Variants in ZNF143 observed in about 807,000 individuals in gnomAD.
ZNF143 encodes SPH-binding factor.
Under a neutral mutation model 74.1 loss-of-function variants are expected in ZNF143, and 49 were observed. The observed-to-expected ratio is 0.66, with a 90% confidence interval of 0.53 to 0.84. The LOEUF is 0.84. ZNF143 is among the 40% of genes least tolerant of loss of function. The pLI is 0.00. For synonymous variants in ZNF143, 304 were observed against 282.8 expected, an observed-to-expected ratio of 1.07 and a Z score of -0.75; for missense variants, 637 against 793.4, an observed-to-expected ratio of 0.80 and a Z score of 2.37.
intron 14 of ZNF143, among the ~76,000 whole-genome samples, chr11:9,517,288 A>C (rs1299256748): frequency 1.3e-5 from 2 of 151,994 alleles, no homozygotes; most frequent in African/African-American, 4.8e-5. Flanking sequence ...CATTATATAG[A>C]GAACTTCCTC....
chr11:9,494,880 T>C (rs376958935), intron 8 of ZNF143, 115 bp downstream of exon 8: 74 of 1,127,140 alleles, frequency 6.6e-5, no homozygotes, highest in South Asian at 5.2e-4. Flanking sequence ...ATCAAGATAC[T>C]GGCACTTGGT....
In ZNF143 at chr11:9,525,119, C is replaced by T; in HGVS notation, c.1687-121C>T. On this transcript the variant is annotated intron_variant, in intron 14 of 15. Transcript: ENST00000396602. Reference sequence around the variant, plus strand: ...CCTTTCAATATAGGCTTTGACAAGTCTATGGTCAGAGGAGTTTTTCCTTTT... The same window carrying T: ...CCTTTCAATATAGGCTTTGACAAGTTTATGGTCAGAGGAGTTTTTCCTTTT... 3 of 1,153,020 alleles carry T rather than the reference C, an allele frequency of 2.6e-6. No homozygotes were observed. In the South Asian group the frequency reaches 4.4e-5, roughly 17 times the overall value. 71.4% of individuals were successfully genotyped at this position (1,153,020 alleles called of 1,614,324 possible).
At chr11:9,473,161 C>T (rs148797930) in intron 3 of ZNF143, among the ~76,000 whole-genome samples, 6 of 151,886 alleles carry the variant, frequency 4.0e-5, no homozygotes, top group Admixed American at 6.6e-5. Flanking sequence ...AAGGCCGAGG[C>T]GGGCAGATCA....
chr11:9,515,740 G>A (rs1296905405), intron 13 of ZNF143, among the ~76,000 whole-genome samples: 1 of 151,962 alleles, frequency 6.6e-6, no homozygotes, highest in Non-Finnish European at 1.5e-5. Context: ...AGCACTTTTG[G>A]GAGGCTGAAG....
At chr11:9,520,100 A>G (rs915865393) in intron 14 of ZNF143, among the ~76,000 whole-genome samples, 1 of 129,486 alleles carries the variant, frequency 7.7e-6, no homozygotes, top group Admixed American at 1.0e-4. Flanking sequence ...GCAGTGGCCC[A>G]ATCTCGGCTC....
chr11:9,495,620 A>G (rs1044802423), intron 8 of ZNF143, among the ~76,000 whole-genome samples: 3 of 152,246 alleles, frequency 2.0e-5, no homozygotes, highest in Admixed American at 2.0e-4. Context: ...ACTATTTATC[A>G]GTAACCTTGG....
intron 7 of ZNF143, among the ~76,000 whole-genome samples, chr11:9,489,611 A>G (rs1267469964): frequency 6.6e-6 from 1 of 152,188 alleles, no homozygotes; most frequent in Admixed American, 6.6e-5. Context: ...AGGAGGAAGC[A>G]ATAGAATAAC....
intron 9 of ZNF143, among the ~76,000 whole-genome samples, chr11:9,496,758 G>A (rs1053634921): frequency 6.6e-6 from 1 of 151,822 alleles, no homozygotes; most frequent in Non-Finnish European, 1.5e-5. Flanking sequence ...CATCATGCCC[G>A]GCTCATATTT....
intron 1 of ZNF143, among the ~76,000 whole-genome samples, chr11:9,469,457 C>G (rs1856447146): frequency 6.6e-6 from 1 of 151,916 alleles, no homozygotes; most frequent in African/African-American, 2.4e-5. Context: ...ATATGGAACT[C>G]CTGACCTCAG....
At chr11:9,505,174 A>G (rs1848315643) in intron 11 of ZNF143, among the ~76,000 whole-genome samples, 1 of 120,212 alleles carries the variant, frequency 8.3e-6, no homozygotes, top group African/African-American at 2.7e-5. Context: ...GGGTTTCACC[A>G]TGTTGGCCAG....
intron 7 of ZNF143, among the ~76,000 whole-genome samples, chr11:9,484,093 A>G (rs1847360800): frequency 6.6e-6 from 1 of 151,484 alleles, no homozygotes. Flanking sequence ...GTGACTTATT[A>G]TATTTCTCTT....
At chr11:9,526,439 C>T (rs979901501) in intron 15 of ZNF143, among the ~76,000 whole-genome samples, 1 of 152,048 alleles carries the variant, frequency 6.6e-6, no homozygotes, top group Non-Finnish European at 1.5e-5. Flanking sequence ...TTTTTCCGCC[C>T]ACGTGTTTAC....
At chr11:9,494,788 A>G (rs1283083931) in intron 8 of ZNF143, 23 bp downstream of exon 8, 5 of 1,592,066 alleles carry the variant, frequency 3.1e-6, no homozygotes, top group Middle Eastern at 1.7e-4. Flanking sequence ...GAAATGTTCT[A>G]TCTAGTTATG....
chr11:9,524,393 A>G (rs1008861370), intron 14 of ZNF143, among the ~76,000 whole-genome samples: 7 of 152,172 alleles, frequency 4.6e-5, no homozygotes, highest in African/African-American at 1.7e-4. Flanking sequence ...AGCCCAATAT[A>G]AGCTACTTAG....
At position 9,486,420 on chromosome 11, in the gene ZNF143, T is replaced by TATATATA. The variant is rs368754514; in HGVS notation, c.645+6874_645+6875insATATATA. Among the ~76,000 whole-genome samples the TATATATA allele has an allele frequency of 3.5e-4, 11 of 31,016 alleles. No homozygotes were observed. In the Admixed American group the frequency reaches 3.6e-3, roughly 10 times the overall value. The allele number at this position is 31,016 out of a possible 152,430, so 20.3% of individuals were successfully genotyped here. A position where few individuals can be genotyped will look rare whatever the true frequency, so the allele number is the denominator to read the frequency against. ...TAATATATTATATATATAATATATA[T>TATATATA]TATATATATTATATATATAATATAT... is the stretch of plus-strand genomic sequence containing the variant. On this transcript the variant is annotated intron_variant, in intron 7 of 15. Coordinates refer to ENST00000396602, the MANE Select transcript of ZNF143 (RefSeq NM_003442.6).
At chr11:9,521,264 A>G (rs1247949181) in intron 14 of ZNF143, among the ~76,000 whole-genome samples, 4 of 152,244 alleles carry the variant, frequency 2.6e-5, no homozygotes, top group African/African-American at 9.6e-5. Flanking sequence ...ATACTCTATT[A>G]GAGTATTTTT....
At chr11:9,467,031 C>G (rs868342236) in intron 1 of ZNF143, among the ~76,000 whole-genome samples, 1 of 150,818 alleles carries the variant, frequency 6.6e-6, no homozygotes, top group African/African-American at 2.4e-5. Context: ...GTAGCTGGGA[C>G]TACAGGTGCA....
intron 1 of ZNF143, 114 bp downstream of exon 1, chr11:9,461,190 C>T (rs1349753866): frequency 3.2e-5 from 21 of 648,500 alleles, no homozygotes; most frequent in Admixed American, 6.3e-5. Context: ...GCTGCTCAGC[C>T]TCCGCCGCAG....
chr11:9,472,723 A>G lies in ZNF143; in HGVS notation c.159A>G (p.Val53=), dbSNP rs1856654738. 2 of 1,604,006 alleles carry G rather than the reference A, an allele frequency of 1.2e-6. No individual in the cohort carries two copies. Among genetic ancestry groups the G allele is most frequent in the Admixed American group, 3.5e-5 (2 of 57,110 alleles). ...TGGAAGGCGTAAGCTTGCAAGCAGT[A>G]ACACTTGCAGATGGTTCTACTGCTT... ...ENMEGVSLQA[V]TLADGSTAYI... The change falls in exon 3 of 16, where the codon GTA becomes GTG. Residue 53 remains valine, a synonymous_variant. Coordinates refer to ENST00000396602, the MANE Select transcript of ZNF143 (RefSeq NM_003442.6).
Sources: allele counts gnomAD v4.1 joint callset (sites outside exome capture counted in the v4.1 genomes callset), GRCh38; gene constraint gnomAD v4.1.1; transcripts MANE v1.5; gene names NCBI Gene and HGNC (gene_info 2026-07-23, HGNC 2026-07-21).